The following RHOBTB1 variants were observed in gnomAD, a reference collection of about 807,000 sequenced individuals.
The protein encoded by RHOBTB1 is rho-related BTB domain-containing protein 1.
A neutral mutation model predicts 71.6 loss-of-function variants in RHOBTB1; 40 were observed. The ratio of observed to expected loss-of-function variants is 0.56; its 90% CI spans 0.43 to 0.73. The LOEUF (loss-of-function observed/expected upper bound fraction) is 0.73, where lower values mean the gene tolerates loss of function less well. RHOBTB1 is among the 30% of genes least tolerant of loss of function. The pLI is 0.00. For synonymous variants in RHOBTB1, 319 were observed against 334.9 expected (o/e 0.95, Z 0.52); for missense variants, 797 against 894.0 (o/e 0.89, Z 1.38).
At chr10:60,877,589 T>G (rs1029730596) in intron 8 of RHOBTB1, among the ~76,000 whole-genome samples, 1 of 152,184 alleles carries the variant, frequency 6.6e-6, no homozygotes, top group Non-Finnish European at 1.5e-5. Context: ...GTTGACAAAA[T>G]AGTTTTATTT....
At chr10:60,926,634 T>A (rs1387186823) in intron 2 of RHOBTB1, among the ~76,000 whole-genome samples, 3 of 152,142 alleles carry the variant, frequency 2.0e-5, no homozygotes, top group African/African-American at 7.2e-5. Context: ...AAAAACAATA[T>A]GATCATTTCA....
intron 4 of RHOBTB1, among the ~76,000 whole-genome samples, chr10:60,900,316 G>C (rs2082355964): frequency 6.6e-6 from 1 of 152,130 alleles, no homozygotes; most frequent in African/African-American, 2.4e-5. Flanking sequence ...CTGAGCCTGG[G>C]AGGGGTCCCC....
At chr10:60,864,247 A>T in the RHOBTB1 span, among the ~76,000 whole-genome samples, 1 of 152,146 alleles carries the variant, frequency 6.6e-6, no homozygotes, top group African/African-American at 2.4e-5. Context: ...TATCCTCCCC[A>T]TAAGGCGCGG....
intron 7 of RHOBTB1, among the ~76,000 whole-genome samples, chr10:60,883,773 A>G (rs2081438322): frequency 6.6e-6 from 1 of 152,200 alleles, no homozygotes; most frequent in Non-Finnish European, 1.5e-5. Flanking sequence ...CTTTGCAAGT[A>G]ATGACTCTTA....
At chr10:60,979,319 G>GA (rs2086418765) in intron 2 of RHOBTB1, among the ~76,000 whole-genome samples, 2 of 151,912 alleles carry the variant, frequency 1.3e-5, no homozygotes, top group Non-Finnish European at 2.9e-5. Flanking sequence ...TGCCCAATAG[G>GA]AAAAATAATA....
intron 4 of RHOBTB1, among the ~76,000 whole-genome samples, chr10:60,906,560 T>C (rs1202715441): frequency 6.6e-6 from 1 of 152,244 alleles, no homozygotes; most frequent in Non-Finnish European, 1.5e-5. Context: ...AGCTGCACTC[T>C]GTCCTGGCTG....
chr10:60,964,290 G>A (rs565206433), intron 2 of RHOBTB1, among the ~76,000 whole-genome samples: 1 of 152,064 alleles, frequency 6.6e-6, no homozygotes, highest in Non-Finnish European at 1.5e-5. Context: ...GAAGGTTGGC[G>A]CCAGAGAGGA....
At chr10:60,985,796 G>T (rs1480525113) in intron 2 of RHOBTB1, 1 of 152,038 alleles carries the variant, frequency 6.6e-6, no homozygotes, top group African/African-American at 2.4e-5. Context: ...GTTAAATATT[G>T]TAAGAAAGGG....
chr10:60,937,930 C>A lies in RHOBTB1; in HGVS notation c.-11+3874G>T, dbSNP rs768205318. On this transcript the variant is annotated intron_variant, in intron 2 of 10. Transcript: ENST00000337910. ...TACATGCATGAGGATTTTATAACAT[C>A]CTCATAACCCTCTGAGGGGGGAGGG... 3.9e-5 allele frequency among the ~76,000 whole-genome samples: 6 copies of A among 152,280 alleles called. No homozygotes were observed. In the South Asian group the frequency reaches 1.2e-3, roughly 32 times the overall value.
chr10:60,937,923 A>G (rs975198898), intron 2 of RHOBTB1, among the ~76,000 whole-genome samples: 1 of 152,222 alleles, frequency 6.6e-6, no homozygotes, highest in Non-Finnish European at 1.5e-5. Flanking sequence ...TGAGGATTTT[A>G]TAACATCCTC....
intron 2 of RHOBTB1, among the ~76,000 whole-genome samples, chr10:60,971,485 T>A (rs1406250792): frequency 6.6e-6 from 1 of 152,184 alleles, no homozygotes; most frequent in Non-Finnish European, 1.5e-5. Context: ...GAAAACTGGC[T>A]AGCCATATGC....
chr10:60,867,575 G>T (rs1281886420), downstream of RHOBTB1, among the ~76,000 whole-genome samples: 1 of 152,190 alleles, frequency 6.6e-6, no homozygotes, highest in East Asian at 1.9e-4. Context: ...GCAACTGCAT[G>T]ATCGCTTGGT....
chr10:60,867,590 A>C (rs376038881), downstream of RHOBTB1, among the ~76,000 whole-genome samples: 12 of 152,324 alleles, frequency 7.9e-5, no homozygotes, highest in Admixed American at 2.6e-4. Context: ...CTTGGTTTCC[A>C]CCCAAGAGTT....
intron 4 of RHOBTB1, among the ~76,000 whole-genome samples, chr10:60,909,460 G>C (rs1564912922): frequency 6.6e-6 from 1 of 151,986 alleles, no homozygotes; most frequent in Non-Finnish European, 1.5e-5. Context: ...TCATTTTCAT[G>C]ACACTGTTTT....
At position 60,965,792 on chromosome 10, in the gene RHOBTB1, C is replaced by T. The variant is rs774807662; in HGVS notation, c.-62+20053G>A. Among the ~76,000 whole-genome samples, 6 of 152,250 alleles carry T rather than the reference C, an allele frequency of 3.9e-5. No homozygotes were observed. The East Asian group carries it at 7.7e-4, about 20-fold the overall frequency. Reference sequence around the variant, plus strand: ...ACAAGTGTTTTTATGATGGTAACCTCTAACCATCCATCCTAGAATTCATTT... The same window carrying T: ...ACAAGTGTTTTTATGATGGTAACCTTTAACCATCCATCCTAGAATTCATTT... On this transcript the variant is annotated intron_variant, in intron 2 of 11. Coordinates refer to the RHOBTB1 transcript ENST00000357917.
At chr10:60,927,198 A>C (rs1456288980) in intron 2 of RHOBTB1, among the ~76,000 whole-genome samples, 2 of 152,222 alleles carry the variant, frequency 1.3e-5, no homozygotes, top group African/African-American at 4.8e-5. Context: ...AAGCTATAAG[A>C]CATTAAGGAC....
At chr10:60,886,719 G>GCT (rs1396486870) in intron 6 of RHOBTB1, among the ~76,000 whole-genome samples, 1 of 140,402 alleles carries the variant, frequency 7.1e-6, no homozygotes, top group African/African-American at 2.6e-5. Context: ...AAGAGATGTG[G>GCT]GGGGGGGTGG....
chr10:60,958,100 C>T lies in RHOBTB1; in HGVS notation c.-61-16246G>A, dbSNP rs115855560. 6.4e-3 allele frequency among the ~76,000 whole-genome samples: 970 copies of T among 152,182 alleles called. 12 individuals carry two copies. The highest frequency in any genetic ancestry group is 0.022 in the African/African-American group (918 of 41,504). On this transcript the variant is annotated intron_variant, in intron 2 of 11. Coordinates refer to the RHOBTB1 transcript ENST00000357917. ...GGACATGTGGTGAAAAGACTCAGTA[C>T]ACAAAACAGCCAACGTCAAACTAAA... is the stretch of plus-strand genomic sequence containing the variant.
At chr10:60,993,276 C>T (rs1032124864) in intron 1 of RHOBTB1, among the ~76,000 whole-genome samples, 1 of 152,092 alleles carries the variant, frequency 6.6e-6, no homozygotes, top group Non-Finnish European at 1.5e-5. Context: ...TAATTATAAA[C>T]GTTCAAAGTG....
Sources: allele counts gnomAD v4.1 joint callset (sites outside exome capture counted in the v4.1 genomes callset), GRCh38; gene constraint gnomAD v4.1.1; transcripts MANE v1.5; gene names NCBI Gene and HGNC (gene_info 2026-07-23, HGNC 2026-07-21).